WWC1: variants seen among roughly 807,000 people sequenced by gnomAD.
The protein encoded by WWC1 is WW and C2 domain containing 1.
Under a neutral mutation model 138.4 loss-of-function variants are expected in WWC1, and 55 were observed. That is an observed-to-expected ratio of 0.40 (90% CI 0.32 to 0.50). WWC1 has a LOEUF of 0.50. Among genes scored for constraint, WWC1 ranks in the 20% least tolerant of loss-of-function variants. The pLI is 0.72. For synonymous variants in WWC1, 524 were observed against 564.9 expected (o/e 0.93, Z 1.03); for missense variants, 1,226 against 1,420.4 (o/e 0.86, Z 2.20).
At chr5:168,437,129 G>A (rs58552807) in intron 15 of WWC1, among the ~76,000 whole-genome samples, 3,523 of 152,140 alleles carry the variant, frequency 0.023, 121 homozygotes, top group African/African-American at 0.074. Context: ...TGTGTCCTCT[G>A]CCTGGCATTC....
chr5:168,448,959 A>C (rs1184199578), intron 17 of WWC1, among the ~76,000 whole-genome samples: 3 of 152,164 alleles, frequency 2.0e-5, no homozygotes, highest in Non-Finnish European at 4.4e-5. Context: ...GCAATGATTA[A>C]GAGTACCCTA....
intron 1 of WWC1, among the ~76,000 whole-genome samples, chr5:168,357,307 C>CACACA (rs1171056537): frequency 7.9e-5 from 10 of 127,038 alleles, no homozygotes; most frequent in Admixed American, 2.9e-4. Context: ...CTCTCTTACA[C>CACACA]ACACACACAC....
intron 17 of WWC1, among the ~76,000 whole-genome samples, chr5:168,450,167 T>C (rs1162097479): frequency 6.6e-6 from 1 of 152,218 alleles, no homozygotes. Flanking sequence ...CAGTTCTGTA[T>C]GTCTTTCAGA....
chr5:168,381,734 G>A lies in WWC1; in HGVS notation c.230-3477G>A, dbSNP rs1237334350. ...GGAAATTCTAATTTAAGTGTTCTTCGGGGGGTGGGGTGGGGTTCAGGCTTT... is the reference window on the plus strand; with the variant it reads ...GGAAATTCTAATTTAAGTGTTCTTCAGGGGGTGGGGTGGGGTTCAGGCTTT... On this transcript the variant is annotated intron_variant, in intron 2 of 22. Transcript: ENST00000265293. Among the ~76,000 whole-genome samples, 6 of 150,352 alleles carry A rather than the reference G, an allele frequency of 4.0e-5. No individual in the cohort carries two copies. In the East Asian group the frequency reaches 9.7e-4, roughly 24 times the overall value.
intron 5 of WWC1, among the ~76,000 whole-genome samples, chr5:168,403,010 CTTTCTTT>C (rs1779437642): frequency 4.6e-5 from 2 of 43,824 alleles, no homozygotes; most frequent in African/African-American, 1.7e-4. Context: ...GTTTCTTTTT[CTTTCTTT>C]CTTTCTTTCT....
chr5:168,331,349 A>G lies in WWC1; in HGVS notation c.119+39078A>G, dbSNP rs113037357. 3.8e-3 allele frequency among the ~76,000 whole-genome samples: 584 copies of G among 152,350 alleles called. 6 individuals are homozygous for G. Among genetic ancestry groups the G allele is most frequent in the African/African-American group, 0.013 (543 of 41,578 alleles). On this transcript the variant is annotated intron_variant, in intron 1 of 22. Coordinates refer to ENST00000265293, the MANE Select transcript of WWC1 (RefSeq NM_015238.3). ...TGGGCTTCAAGGAATTATCTGTTCC[A>G]TAGAAATGTTTGGCCCACATGGTTT...
chr5:168,416,508 A>G (rs980191038), intron 9 of WWC1: 1 of 152,228 alleles, frequency 6.6e-6, no homozygotes, highest in Non-Finnish European at 1.5e-5. Flanking sequence ...TGGCCTAGGT[A>G]GACCCTTACT....
chr5:168,340,266 G>A lies in WWC1; in HGVS notation c.120-31158G>A, dbSNP rs528480904. The stretch of plus-strand genomic sequence containing the variant: ...AAGTTTTGTATTTTTAGTAGAGACG[G>A]AGTTTCCTCACGTTGGCCAGGCTGG... On this transcript the variant is annotated intron_variant, in intron 1 of 22. Coordinates refer to ENST00000265293, the MANE Select transcript of WWC1 (RefSeq NM_015238.3). Among the ~76,000 whole-genome samples the A allele has an allele frequency of 5.9e-5, 9 of 152,178 alleles. No individual in the cohort carries two copies. In the South Asian group the frequency reaches 1.9e-3, roughly 32 times the overall value.
chr5:168,422,476 G>A lies in WWC1; in HGVS notation c.1274+379G>A, dbSNP rs1039763243. The stretch of plus-strand genomic sequence containing the variant: ...AAACTAAAAATACAAAATTAGCTGG[G>A]TGTGGTGGTGCATGCCTGTGGTCCC... On this transcript the variant is annotated intron_variant, in intron 10 of 22. Transcript: ENST00000265293. Among the ~76,000 whole-genome samples the A allele has an allele frequency of 2.6e-5, 4 of 152,176 alleles. No homozygotes were observed. The South Asian group carries it at 8.3e-4, about 32-fold the overall frequency.
At chr5:168,421,064 T>C (rs1781056590) in intron 9 of WWC1, among the ~76,000 whole-genome samples, 1 of 152,210 alleles carries the variant, frequency 6.6e-6, no homozygotes, top group African/African-American at 2.4e-5. Flanking sequence ...TACAACGGGT[T>C]TATTTTTTGT....
intron 5 of WWC1, 69 bp from the exon 6 acceptor site, chr5:168,406,129 C>T: frequency 6.3e-7 from 1 of 1,578,406 alleles, no homozygotes; most frequent in Non-Finnish European, 8.6e-7. Context: ...GTGGTCTGTG[C>T]TTTTCCCCTG....
intron 21 of WWC1, among the ~76,000 whole-genome samples, chr5:168,465,391 G>A (rs529966978): frequency 3.4e-5 from 5 of 148,654 alleles, no homozygotes; most frequent in South Asian, 2.1e-4. Context: ...AGAAGGGCTG[G>A]TCACACCAGG....
In WWC1 at chr5:168,431,285, A is replaced by G; in HGVS notation, c.2121A>G (p.Glu707=). The G allele has an allele frequency of 6.2e-7, 1 of 1,613,832 alleles. No homozygotes were observed. The highest frequency in any genetic ancestry group is 8.5e-7 in the Non-Finnish European group (1 of 1,179,922). ...NIRVAVLPCS[E]STTCLFRTRP... is the part of the protein sequence containing the mutation. ...GCGTGGCTGTCCTTCCTTGCTCTGA[A>G]AGCACAACCTGCCTGTTCCGGACCC... Residue 707 remains glutamate, a synonymous_variant, in exon 15 of 23, where the codon GAA becomes GAG. Transcript: ENST00000265293.
chr5:168,397,915 C>A, intron 4 of WWC1, 115 bp downstream of exon 4: 2 of 1,071,238 alleles, frequency 1.9e-6, no homozygotes, highest in Non-Finnish European at 1.4e-6. Flanking sequence ...ACAGCCAGTG[C>A]TAGCAAGGTC....
chr5:168,421,015 C>T (rs1781050990), intron 9 of WWC1, among the ~76,000 whole-genome samples: 1 of 152,208 alleles, frequency 6.6e-6, no homozygotes, highest in Non-Finnish European at 1.5e-5. Context: ...AGGAATCTAA[C>T]TGCTGCAAGA....
chr5:168,405,058 A>C (rs1359451711), intron 5 of WWC1, among the ~76,000 whole-genome samples: 2 of 152,126 alleles, frequency 1.3e-5, no homozygotes, highest in Non-Finnish European at 1.5e-5. Context: ...TGTTCTTGAC[A>C]ACTTCATGAG....
intron 1 of WWC1, among the ~76,000 whole-genome samples, chr5:168,323,137 A>C (rs1331193652): frequency 6.6e-6 from 1 of 152,262 alleles, no homozygotes; most frequent in African/African-American, 2.4e-5. Context: ...CTAAAGGAAA[A>C]TTCTAGATGA....
intron 5 of WWC1, among the ~76,000 whole-genome samples, chr5:168,403,074 CTTTCTTT>C (rs1779492635): frequency 1.8e-5 from 2 of 113,432 alleles, no homozygotes. Flanking sequence ...TTCTTTCTTT[CTTTCTTT>C]TCTTTCTTTT....
rs1038948641 is a variant in WWC1, at chr5:168,411,895, G to A, written c.941+1900G>A. The A allele has an allele frequency of 5.8e-6, 5 of 855,500 alleles. No individual in the cohort carries two copies. In the African/African-American group the frequency reaches 9.2e-5, roughly 16 times the overall value. The allele number at this position is 855,500 out of a possible 1,614,324, so 53.0% of individuals were successfully genotyped here. A position where few individuals can be genotyped will look rare whatever the true frequency, so the allele number is the denominator to read the frequency against. ...TGTATGGGAACCAGGTGACTTGAAAGTACGAAAGGAGTGATTTCCCAAAGA... is the reference window on the plus strand; with the variant it reads ...TGTATGGGAACCAGGTGACTTGAAAATACGAAAGGAGTGATTTCCCAAAGA... On this transcript the variant is annotated intron_variant, in intron 8 of 22. Transcript: ENST00000265293.
Sources: allele counts gnomAD v4.1 joint callset (sites outside exome capture counted in the v4.1 genomes callset), GRCh38; gene constraint gnomAD v4.1.1; transcripts MANE v1.5; gene names NCBI Gene and HGNC (gene_info 2026-07-23, HGNC 2026-07-21).